Variants in CTNNA1 observed in about 807,000 individuals in gnomAD.
CTNNA1 encodes the protein catenin alpha 1, also known as catenin alpha-1.
A neutral mutation model predicts 98.4 loss-of-function variants in CTNNA1; 37 were observed. That is an observed-to-expected ratio of 0.38 (90% CI 0.29 to 0.49). The LOEUF (loss-of-function observed/expected upper bound fraction) is 0.49. Ranked by LOEUF, CTNNA1 falls within the 20% of genes least tolerant of loss-of-function variation. The probability of loss-of-function intolerance (pLI) is 0.95; values close to 1 mark genes in which losing one functional copy is unlikely to be tolerated. For missense variants in CTNNA1, 761 were observed against 1,147.2 expected, an observed-to-expected ratio of 0.66 and a Z score of 4.86; for synonymous variants, 404 against 413.2, an observed-to-expected ratio of 0.98 and a Z score of 0.27.
At chr5:138,769,769 G>A (rs1753330887) in intron 1 of CTNNA1, among the ~76,000 whole-genome samples, 1 of 152,004 alleles carries the variant, frequency 6.6e-6, no homozygotes, top group South Asian at 2.1e-4. Context: ...CCGACCTCAG[G>A]TGATCCGCCC....
At chr5:138,788,467 T>C (rs1475868587) in intron 3 of CTNNA1, among the ~76,000 whole-genome samples, 1 of 152,206 alleles carries the variant, frequency 6.6e-6, no homozygotes, top group Non-Finnish European at 1.5e-5. Flanking sequence ...ATCACCCATT[T>C]AAAGTATACA....
At chr5:138,826,068 A>G (rs962375097) in intron 6 of CTNNA1, among the ~76,000 whole-genome samples, 30 of 152,306 alleles carry the variant, frequency 2.0e-4, no homozygotes, top group Non-Finnish European at 3.1e-4. Context: ...TTAAAATTCT[A>G]TGACCATTCA....
In CTNNA1 at chr5:138,843,950, G is replaced by A. The variant is rs543177362; in HGVS notation, c.1062+16232G>A. Among the ~76,000 whole-genome samples the A allele has an allele frequency of 5.5e-4, 83 of 152,250 alleles. 1 individual carries two copies. The highest frequency in any genetic ancestry group is 2.0e-3 in the African/African-American group (83 of 41,542). On this transcript the variant is annotated intron_variant, in intron 7 of 17. Coordinates refer to ENST00000302763, the MANE Select transcript of CTNNA1 (RefSeq NM_001903.5). The stretch of plus-strand genomic sequence containing the variant: ...ATTTTCTTGGCTAAATTAAAAGTAA[G>A]CACTTTTTTTAGAAGGTCAAAAGTG...
intron 5 of CTNNA1, among the ~76,000 whole-genome samples, chr5:138,813,478 T>C (rs1002457165): frequency 2.6e-5 from 4 of 152,176 alleles, no homozygotes; most frequent in African/African-American, 9.7e-5. Context: ...GTAGCTTTCC[T>C]GAGGACAGAA....
At chr5:138,930,036 T>G (rs1392700314) in intron 14 of CTNNA1, among the ~76,000 whole-genome samples, 2 of 152,166 alleles carry the variant, frequency 1.3e-5, no homozygotes, top group African/African-American at 2.4e-5. Flanking sequence ...CAGCGGTATC[T>G]CTCAGCCCTC....
At chr5:138,907,785 G>C (rs1759596028) in intron 10 of CTNNA1, among the ~76,000 whole-genome samples, 1 of 152,162 alleles carries the variant, frequency 6.6e-6, no homozygotes, top group Non-Finnish European at 1.5e-5. Flanking sequence ...TCTTCACAGT[G>C]TGGAAGAGGT....
chr5:138,889,482 A>G (rs186362392), intron 9 of CTNNA1, among the ~76,000 whole-genome samples: 15 of 152,298 alleles, frequency 9.8e-5, no homozygotes, highest in Non-Finnish European at 1.5e-5. Context: ...CTGTGCACTC[A>G]AGCTCACTGG....
At chr5:138,864,026 G>A (rs972239114) in intron 7 of CTNNA1, among the ~76,000 whole-genome samples, 3 of 152,152 alleles carry the variant, frequency 2.0e-5, no homozygotes, top group Non-Finnish European at 2.9e-5. Context: ...GCAGTGGCAC[G>A]ATCTTGGCTT....
In CTNNA1 at chr5:138,924,405, CTG is replaced by C. The variant is rs566487555; in HGVS notation, c.1547-102_1547-101del. 86 of 1,125,388 alleles carry C rather than the reference CTG, an allele frequency of 7.6e-5. 2 individuals carry two copies. The South Asian group carries it at 1.2e-3, about 16-fold the overall frequency. The allele number at this position is 1,125,388 out of a possible 1,614,324, so 69.7% of individuals were successfully genotyped here. ...TGAAGTATATGTAAAACTTTCAGCA[CTG>C]TGGCTGGCACCAAGCAAACAATAAA... On this transcript the variant is annotated intron_variant, in intron 11 of 17. Coordinates refer to ENST00000302763, the MANE Select transcript of CTNNA1 (RefSeq NM_001903.5).
chr5:138,825,652 T>C (rs1241477482), intron 6 of CTNNA1, among the ~76,000 whole-genome samples: 1 of 151,986 alleles, frequency 6.6e-6, no homozygotes, highest in East Asian at 1.9e-4. Flanking sequence ...CATTTTGTTT[T>C]TAAGTTTTTC....
intron 7 of CTNNA1, among the ~76,000 whole-genome samples, chr5:138,879,222 ATGT>A (rs963494614): frequency 6.9e-6 from 1 of 144,366 alleles, no homozygotes; most frequent in African/African-American, 2.5e-5. Flanking sequence ...GAGGTCCTAG[ATGT>A]TGTGTGTCTT....
intron 10 of CTNNA1, among the ~76,000 whole-genome samples, chr5:138,912,284 G>T (rs928376962): frequency 1.3e-5 from 2 of 152,142 alleles, no homozygotes; most frequent in African/African-American, 2.4e-5. Context: ...GAGTTTCTAG[G>T]AAAAGATTAG....
intron 7 of CTNNA1, among the ~76,000 whole-genome samples, chr5:138,882,431 G>A (rs1042996025): frequency 2.0e-5 from 3 of 152,218 alleles, no homozygotes; most frequent in African/African-American, 7.2e-5. Flanking sequence ...GGGAGAATGT[G>A]TAGAAGAAGG....
chr5:138,863,150 G>GTTT (rs150352480), intron 7 of CTNNA1, among the ~76,000 whole-genome samples: 1 of 150,266 alleles, frequency 6.7e-6, no homozygotes, highest in Admixed American at 6.6e-5. Context: ...AATCTAGGTG[G>GTTT]TTTTTTTTTA....
chr5:138,809,504 T>G (rs748627453), intron 3 of CTNNA1, among the ~76,000 whole-genome samples: 37 of 152,216 alleles, frequency 2.4e-4, no homozygotes, highest in Non-Finnish European at 5.1e-4. Flanking sequence ...GAGCTTTTGG[T>G]AGTGTTCTGT....
At chr5:138,794,012 ATTTTTTT>A (rs10717660) in intron 3 of CTNNA1, among the ~76,000 whole-genome samples, 52 of 112,260 alleles carry the variant, frequency 4.6e-4, no homozygotes, top group African/African-American at 1.6e-3. Context: ...TCCTGGGTTG[ATTTTTTT>A]TTTTTTTTTT....
rs781520852 is a variant in CTNNA1, at chr5:138,783,231, C to G, written c.160C>G (p.Arg54Gly). The G allele has an allele frequency of 1.2e-6, 2 of 1,613,988 alleles. No individual in the cohort carries two copies. Among genetic ancestry groups the G allele is most frequent in the Non-Finnish European group, 1.7e-6 (2 of 1,179,916 alleles). Residue 54 changes from arginine to glycine, a missense_variant, in exon 3 of 18, where the codon CGT (arginine) becomes GGT (glycine). Coordinates refer to ENST00000302763, the MANE Select transcript of CTNNA1 (RefSeq NM_001903.5). ...SKGPSNKKRG[R>G]SKKAHVLAAS... Reference sequence around the variant, plus strand: ...AGGGCCCTCTAATAAGAAGAGAGGTCGTTCTAAGAAGGCCCATGTTTTGGC... The same window carrying G: ...AGGGCCCTCTAATAAGAAGAGAGGTGGTTCTAAGAAGGCCCATGTTTTGGC...
intron 7 of CTNNA1, among the ~76,000 whole-genome samples, chr5:138,865,916 C>T (rs1764709315): frequency 6.6e-6 from 1 of 152,082 alleles, no homozygotes; most frequent in South Asian, 2.1e-4. Flanking sequence ...TGAGCAGTTG[C>T]CCTCCATGTA....
At chr5:138,781,889 T>C (rs1411591356) in intron 1 of CTNNA1, 34 bp from the exon 2 acceptor site, 1 of 1,552,458 alleles carries the variant, frequency 6.4e-7, no homozygotes, top group South Asian at 1.2e-5. Context: ...TTGTGTTTGA[T>C]GTTTGCCTGA....
Sources: allele counts gnomAD v4.1 joint callset (sites outside exome capture counted in the v4.1 genomes callset), GRCh38; gene constraint gnomAD v4.1.1; transcripts MANE v1.5; gene names NCBI Gene and HGNC (gene_info 2026-07-23, HGNC 2026-07-21).